The following COL5A2 variants were observed in gnomAD, a reference collection of about 807,000 sequenced individuals.
COL5A2 encodes the protein collagen type V alpha 2 chain, also known as collagen alpha-2(V) chain.
A neutral mutation model predicts 208.2 loss-of-function variants in COL5A2; 23 were observed. The observed-to-expected ratio is 0.11, with a 90% CI of 0.08 to 0.16. COL5A2 has a LOEUF of 0.16. Ranked by LOEUF, COL5A2 falls within the 10% of genes least tolerant of loss-of-function variation. The pLI is 1.00. For synonymous variants in COL5A2, 625 were observed against 628.5 expected (o/e 0.99, Z 0.08); for missense variants, 1,590 against 1,956.4 (o/e 0.81, Z 3.53).
chr2:189,088,888 C>T (rs924618176), intron 7 of COL5A2, 116 bp from the exon 8 acceptor site: 1 of 859,438 alleles, frequency 1.2e-6, no homozygotes, highest in Non-Finnish European at 2.0e-6. Flanking sequence ...TTCTGAGAAT[C>T]ATTCTAAGTG....
the COL5A2 span, among the ~76,000 whole-genome samples, chr2:189,244,684 C>G: frequency 2.6e-5 from 4 of 152,334 alleles, no homozygotes; most frequent in South Asian, 8.3e-4. Context: ...CCACATTTCC[C>G]TGTCTTCTTC....
At chr2:189,198,950 C>A (rs1033856468) in intron 1 of COL5A2, among the ~76,000 whole-genome samples, 3 of 152,106 alleles carry the variant, frequency 2.0e-5, no homozygotes, top group Non-Finnish European at 4.4e-5. Context: ...TTTTCAACCA[C>A]TTTATATATT....
the COL5A2 span, among the ~76,000 whole-genome samples, chr2:189,269,587 T>C: frequency 6.6e-6 from 1 of 152,090 alleles, no homozygotes; most frequent in African/African-American, 2.4e-5. Flanking sequence ...AGGAATGAAG[T>C]GACTTGATCG....
At chr2:189,036,849 CA>C in intron 51 of COL5A2, 46 bp from the exon 52 acceptor site, 1 of 1,365,874 alleles carries the variant, frequency 7.3e-7, no homozygotes, top group Non-Finnish European at 1.0e-6. Context: ...CAATCTCAAT[CA>C]TGACTATAAG....
chr2:189,390,292 G>A, the COL5A2 span, among the ~76,000 whole-genome samples: 1 of 152,150 alleles, frequency 6.6e-6, no homozygotes, highest in Non-Finnish European at 1.5e-5. Flanking sequence ...AGTCACAGCA[G>A]AACATACCTA....
chr2:189,218,511 A>G (rs1689306903), intron 1 of COL5A2, among the ~76,000 whole-genome samples: 4 of 152,188 alleles, frequency 2.6e-5, no homozygotes, highest in African/African-American at 7.2e-5. Flanking sequence ...CAACACCTTG[A>G]TATCAAATTT....
At chr2:189,333,037 T>G in the COL5A2 span, among the ~76,000 whole-genome samples, 1 of 152,140 alleles carries the variant, frequency 6.6e-6, no homozygotes, top group Non-Finnish European at 1.5e-5. Context: ...ATACAACACA[T>G]CAGTGTTTTA....
intron 1 of COL5A2, among the ~76,000 whole-genome samples, chr2:189,152,038 T>C (rs1415733364): frequency 3.3e-5 from 5 of 152,088 alleles, no homozygotes; most frequent in Non-Finnish European, 5.9e-5. Flanking sequence ...ATAATTACAA[T>C]GCAATATGAA....
intron 1 of COL5A2, among the ~76,000 whole-genome samples, chr2:189,209,251 T>C (rs1187055247): frequency 6.6e-6 from 1 of 152,156 alleles, no homozygotes; most frequent in Admixed American, 6.5e-5. Flanking sequence ...GGCCCCTGAC[T>C]GACATAACCT....
intron 2 of COL5A2, among the ~76,000 whole-genome samples, chr2:189,105,382 A>G (rs892690261): frequency 1.3e-5 from 2 of 151,566 alleles, no homozygotes; most frequent in African/African-American, 4.8e-5. Flanking sequence ...GCTATCAAAC[A>G]TTTTAATTTT....
the COL5A2 span, among the ~76,000 whole-genome samples, chr2:189,359,048 T>C: frequency 6.6e-6 from 1 of 152,286 alleles, no homozygotes; most frequent in South Asian, 2.1e-4. Flanking sequence ...CTTTCCCAAT[T>C]TGAATACCAT....
the COL5A2 span, among the ~76,000 whole-genome samples, chr2:189,243,842 G>C: frequency 6.6e-6 from 1 of 152,222 alleles, no homozygotes; most frequent in Non-Finnish European, 1.5e-5. Context: ...TGGAGGCACA[G>C]GCATTGGATA....
At chr2:189,074,552 C>A (rs1686354652) in intron 17 of COL5A2, among the ~76,000 whole-genome samples, 1 of 152,148 alleles carries the variant, frequency 6.6e-6, no homozygotes, top group Admixed American at 6.5e-5. Context: ...TCCAAAACTA[C>A]ATTTGAAATT....
rs1311353924 is a variant in COL5A2 at position 189,207,782 on chromosome 2, CCAGTG to C, written c.-42+17361_-42+17365del. Among the ~76,000 whole-genome samples, 56 of 152,104 alleles carry C rather than the reference CCAGTG, an allele frequency of 3.7e-4. 1 individual carries two copies. Among genetic ancestry groups the C allele is most frequent in the Admixed American group, 1.6e-3 (24 of 15,264 alleles). ...ATGATCATTAATGAGGTCACTAAAT[CCAGTG>C]CAAAAATCTGTATGATTATCTTACT... On this transcript the variant is annotated intron_variant, in intron 1 of 10. Transcript: ENST00000649966.
the COL5A2 span, among the ~76,000 whole-genome samples, chr2:189,343,405 G>C: frequency 0.57 from 85,998 of 151,846 alleles, 26,198 homozygotes; most frequent in East Asian, 0.71. Context: ...TCAGATATTA[G>C]TATTTTATAT....
intron 8 of COL5A2, 43 bp downstream of exon 8, chr2:189,088,652 T>G: frequency 6.9e-7 from 1 of 1,452,650 alleles, no homozygotes; most frequent in Non-Finnish European, 9.7e-7. Flanking sequence ...AAAATAATTT[T>G]TTTCACTGAA....
rs755570688 is a variant in COL5A2, at chr2:189,063,209, G to A, written c.1832C>T (p.Pro611Leu). 1 of 1,614,142 alleles carries A rather than the reference G, an allele frequency of 6.2e-7. No individual in the cohort carries two copies. The highest frequency in any genetic ancestry group is 2.2e-5 in the East Asian group (1 of 44,880). The change falls in exon 27 of 54, where the codon CCC becomes CTC. Residue 611 changes from proline to leucine, a missense_variant. Transcript: ENST00000374866. ...PPGSIGIRGQ[P>L]GSMGLPGPKG... is the part of the protein sequence containing the mutation. The stretch of plus-strand genomic sequence containing the variant: ...GGGGCCTGGAAGGCCCATGCTCCCG[G>A]GCTGCCCTCTGATTCCTATGGAGCC...
rs538639202 is a variant in COL5A2 at position 189,106,289 on chromosome 2, T to A, written c.323-2012A>T. Among the ~76,000 whole-genome samples, 145 of 151,548 alleles carry A rather than the reference T, an allele frequency of 9.6e-4. 2 individuals carry two copies. In the Middle Eastern group the frequency reaches 0.011, roughly 11 times the overall value. ...AGTCTTTTAAATACTTAGTTTGAAT[T>A]AGCAGTATTAAAAAATTTTCATCAG... On this transcript the variant is annotated intron_variant, in intron 2 of 53. Transcript: ENST00000374866.
At chr2:189,159,631 T>C (rs1197010925) in intron 1 of COL5A2, among the ~76,000 whole-genome samples, 3 of 152,210 alleles carry the variant, frequency 2.0e-5, no homozygotes, top group African/African-American at 7.2e-5. Context: ...CAAGTAAATG[T>C]ATTAGTTGAG....
Sources: gnomAD v4.1 joint callset for allele counts (sites outside exome capture counted in the v4.1 genomes callset) on GRCh38, gnomAD v4.1.1 for gene constraint, MANE v1.5 for transcripts, NCBI Gene and HGNC (gene_info 2026-07-23, HGNC 2026-07-21) for gene names.